Variants in NDRG3 observed in about 807,000 individuals in gnomAD.
NDRG3 encodes the protein protein NDRG3.
NDRG3 carries 23 observed loss-of-function variants against 57.2 expected under a neutral mutation model. The observed-to-expected ratio is 0.40, with a 90% CI of 0.29 to 0.57. NDRG3 has a LOEUF of 0.57. NDRG3 is among the 20% of genes least tolerant of loss of function. The probability of loss-of-function intolerance (pLI) is 0.42; values close to 1 mark genes in which losing one functional copy is unlikely to be tolerated. For synonymous variants in NDRG3, 132 were observed against 162.6 expected (o/e 0.81, Z 1.43); for missense variants, 384 against 457.3 (o/e 0.84, Z 1.46).
intron 1 of NDRG3, among the ~76,000 whole-genome samples, chr20:36,737,644 G>A (rs184751574): frequency 6.6e-6 from 1 of 152,250 alleles, no homozygotes; most frequent in East Asian, 1.9e-4. Flanking sequence ...GCAAGCAGCA[G>A]AGCAAGGATT....
chr20:36,673,206 A>G (rs1357727937), intron 8 of NDRG3, among the ~76,000 whole-genome samples: 1 of 152,178 alleles, frequency 6.6e-6, no homozygotes, highest in African/African-American at 2.4e-5. Context: ...AGGAATTTCC[A>G]TAGCATCTGG....
chr20:36,712,410 T>C (rs1249114949), intron 2 of NDRG3, among the ~76,000 whole-genome samples: 109 of 140,850 alleles, frequency 7.7e-4, no homozygotes, highest in African/African-American at 2.6e-3. Context: ...TTTTTTTTTT[T>C]CCTGAGATAG....
chr20:36,675,924 C>G (rs1443198835), intron 8 of NDRG3, among the ~76,000 whole-genome samples: 3 of 152,126 alleles, frequency 2.0e-5, no homozygotes, highest in Non-Finnish European at 4.4e-5. Context: ...TGTAAAAGTA[C>G]TGAGAAGTAA....
At chr20:36,699,965 C>T (rs527965302) in intron 3 of NDRG3, among the ~76,000 whole-genome samples, 2 of 151,852 alleles carry the variant, frequency 1.3e-5, no homozygotes, top group South Asian at 4.2e-4. Context: ...ACTAAAAATA[C>T]AAAAATTAGC....
At chr20:36,674,234 C>CT (rs1168613769) in intron 8 of NDRG3, among the ~76,000 whole-genome samples, 1 of 152,176 alleles carries the variant, frequency 6.6e-6, no homozygotes, top group East Asian at 1.9e-4. Flanking sequence ...GAGTCTCACT[C>CT]TGTCACCCAG....
intron 8 of NDRG3, among the ~76,000 whole-genome samples, chr20:36,671,801 C>CAA (rs1182073175): frequency 2.0e-3 from 112 of 57,416 alleles, no homozygotes; most frequent in African/African-American, 6.0e-3. Context: ...GACTCCGTCT[C>CAA]AAAAAAAAAA....
intron 13 of NDRG3, among the ~76,000 whole-genome samples, chr20:36,660,121 T>C (rs1002037511): frequency 6.6e-6 from 1 of 151,818 alleles, no homozygotes; most frequent in South Asian, 2.1e-4. Context: ...CGCAGGAGAA[T>C]TGCTTGAACC....
At position 36,733,146 on chromosome 20, in the gene NDRG3, C is replaced by CA. The variant is rs141850127; in HGVS notation, c.-48-11364dup. ...TGGGTGACGGAACACGATCCTGTCT[C>CA]AAAAAAAAAAAAAAAAAAAAAAAAA... On this transcript the variant is annotated intron_variant, in intron 1 of 15. Coordinates refer to ENST00000349004, the MANE Select transcript of NDRG3 (RefSeq NM_032013.4). Among the ~76,000 whole-genome samples the CA allele has an allele frequency of 3.1e-3, 122 of 38,960 alleles. 5 individuals carry two copies. Among genetic ancestry groups the CA allele is most frequent in the East Asian group, 8.2e-3 (5 of 608 alleles). The allele number at this position is 38,960 out of a possible 152,430, so 25.6% of individuals were successfully genotyped here. A position where few individuals can be genotyped will look rare whatever the true frequency, so the allele number is the denominator to read the frequency against.
intron 2 of NDRG3, among the ~76,000 whole-genome samples, chr20:36,715,988 C>T (rs755736298): frequency 6.6e-6 from 1 of 152,164 alleles, no homozygotes; most frequent in Non-Finnish European, 1.5e-5. Flanking sequence ...GTGGCAAGAG[C>T]TACTCAGGAG....
intron 3 of NDRG3, among the ~76,000 whole-genome samples, chr20:36,697,919 C>T (rs1982931031): frequency 1.3e-5 from 2 of 150,894 alleles, no homozygotes; most frequent in South Asian, 4.2e-4. Flanking sequence ...CCGAATGTTT[C>T]CAATAGTTCT....
At chr20:36,711,698 CTG>C (rs1361871131) in intron 2 of NDRG3, among the ~76,000 whole-genome samples, 1 of 152,220 alleles carries the variant, frequency 6.6e-6, no homozygotes, top group Non-Finnish European at 1.5e-5. Flanking sequence ...AAAAACAACT[CTG>C]TGTTCTCAAT....
intron 8 of NDRG3, among the ~76,000 whole-genome samples, chr20:36,671,646 C>T (rs1021227093): frequency 9.9e-5 from 15 of 151,904 alleles, no homozygotes; most frequent in African/African-American, 3.6e-4. Context: ...ACTAAAAATA[C>T]AAAAAATTAG....
At chr20:36,737,978 T>C (rs1181860055) in intron 1 of NDRG3, among the ~76,000 whole-genome samples, 2 of 150,892 alleles carry the variant, frequency 1.3e-5, no homozygotes. Flanking sequence ...GCATGAGAAC[T>C]GCTTGAACCT....
At chr20:36,725,980 G>A (rs1037107378) in intron 1 of NDRG3, among the ~76,000 whole-genome samples, 2 of 147,858 alleles carry the variant, frequency 1.4e-5, no homozygotes, top group Non-Finnish European at 3.0e-5. Flanking sequence ...CTAGGCTGGA[G>A]TGCAGTGGCA....
At chr20:36,701,774 C>G (rs2148159244) in intron 3 of NDRG3, among the ~76,000 whole-genome samples, 1 of 151,436 alleles carries the variant, frequency 6.6e-6, no homozygotes, top group South Asian at 2.1e-4. Context: ...TTTCGAACTC[C>G]TGACCTCAGG....
At chr20:36,734,201 C>T (rs908251029) in intron 1 of NDRG3, among the ~76,000 whole-genome samples, 6 of 150,660 alleles carry the variant, frequency 4.0e-5, no homozygotes, top group Non-Finnish European at 7.4e-5. Flanking sequence ...AGCGAGACTC[C>T]GTCTCAAAAA....
chr20:36,709,406 A>G (rs547003178), intron 2 of NDRG3, among the ~76,000 whole-genome samples: 2 of 152,326 alleles, frequency 1.3e-5, no homozygotes, highest in East Asian at 3.8e-4. Context: ...CAGATTACCA[A>G]TCATAGAGAG....
chr20:36,738,450 A>ACACCACTT (rs1411215372), intron 1 of NDRG3, among the ~76,000 whole-genome samples: 1 of 151,328 alleles, frequency 6.6e-6, no homozygotes, highest in Non-Finnish European at 1.5e-5. Context: ...AGCCGAGATC[A>ACACCACTT]CACCACTTCA....
chr20:36,682,463 G>C, intron 7 of NDRG3, 55 bp downstream of exon 7: 1 of 1,419,250 alleles, frequency 7.0e-7, no homozygotes, highest in Non-Finnish European at 9.9e-7. Flanking sequence ...AGCAGTAATA[G>C]CTGTGACCCA....
Sources: gnomAD v4.1 joint callset for allele counts (sites outside exome capture counted in the v4.1 genomes callset) on GRCh38, gnomAD v4.1.1 for gene constraint, MANE v1.5 for transcripts, NCBI Gene and HGNC (gene_info 2026-07-23, HGNC 2026-07-21) for gene names.